Variants in HECTD4 observed in about 807,000 individuals in gnomAD.
HECTD4 encodes the protein HECT domain E3 ubiquitin protein ligase 4, also known as probable E3 ubiquitin-protein ligase HECTD4.
A neutral mutation model predicts 471.5 loss-of-function variants in HECTD4; 114 were observed. That is an observed-to-expected ratio of 0.24 (90% CI 0.21 to 0.28). The LOEUF is 0.28. HECTD4 is among the 10% of genes least tolerant of loss of function. The probability of loss-of-function intolerance (pLI) is 1.00; values close to 1 mark genes in which losing one functional copy is unlikely to be tolerated. For missense variants in HECTD4, 3,866 were observed against 5,651.5 expected, an observed-to-expected ratio of 0.68 and a Z score of 10.13; for synonymous variants, 2,012 against 2,256.0, an observed-to-expected ratio of 0.89 and a Z score of 3.07.
chr12:112,192,802 C>A, intron 58 of HECTD4, 37 bp from the exon 59 acceptor site: 1 of 1,506,024 alleles, frequency 6.6e-7, no homozygotes, highest in South Asian at 1.2e-5. Flanking sequence ...AATACAGGGT[C>A]TAGCCATGCA....
chr12:112,334,997 T>C (rs1718158713), intron 1 of HECTD4, among the ~76,000 whole-genome samples: 1 of 152,156 alleles, frequency 6.6e-6, no homozygotes, highest in South Asian at 2.1e-4. Context: ...CCAATCCCAC[T>C]ACTGCATATC....
At chr12:112,234,582 A>G (rs2033456714) in intron 37 of HECTD4, among the ~76,000 whole-genome samples, 1 of 152,316 alleles carries the variant, frequency 6.6e-6, no homozygotes, top group East Asian at 1.9e-4. Flanking sequence ...TTGGGCAATG[A>G]CTATATTTTT....
intron 1 of HECTD4, among the ~76,000 whole-genome samples, chr12:112,361,769 T>C (rs2036454233): frequency 6.6e-6 from 1 of 152,206 alleles, no homozygotes. Context: ...ACTGACTCCA[T>C]ATACCATCCT....
chr12:112,267,128 G>T (rs2034295423), intron 13 of HECTD4, 146 bp from the exon 14 acceptor site: 1 of 606,704 alleles, frequency 1.6e-6, no homozygotes, highest in African/African-American at 1.9e-5. Flanking sequence ...GATCGCTGGG[G>T]TTGATTCGGC....
chr12:112,301,108 G>A (rs185517564), intron 7 of HECTD4, among the ~76,000 whole-genome samples: 7 of 150,702 alleles, frequency 4.6e-5, no homozygotes, highest in Admixed American at 1.3e-4. Context: ...GGCTGGTCTC[G>A]AACTCCTGAC....
At chr12:112,212,724 G>A (rs1398555627) in intron 48 of HECTD4, 74 bp from the exon 49 acceptor site, 7 of 1,263,506 alleles carry the variant, frequency 5.5e-6, no homozygotes, top group African/African-American at 1.5e-5. Context: ...CAACCGGAGT[G>A]TCACCCTACA....
At chr12:112,303,476 A>G (rs1433163234) in intron 7 of HECTD4, among the ~76,000 whole-genome samples, 2 of 152,240 alleles carry the variant, frequency 1.3e-5, no homozygotes, top group African/African-American at 4.8e-5. Flanking sequence ...AAGAAGAAAT[A>G]AAGGTTTAAC....
chr12:112,296,279 T>C (rs778583821), intron 7 of HECTD4, among the ~76,000 whole-genome samples: 1 of 151,298 alleles, frequency 6.6e-6, no homozygotes, highest in African/African-American at 2.4e-5. Context: ...ACAGAGGGTG[T>C]AGGTGCAGTG....
At chr12:112,291,609 A>T in intron 7 of HECTD4, among the ~76,000 whole-genome samples, 1 of 152,076 alleles carries the variant, frequency 6.6e-6, no homozygotes, top group East Asian at 1.9e-4. Flanking sequence ...GCAGTGGCTC[A>T]CATTTGTAAT....
chr12:112,300,321 AAAG>A (rs1268643498), intron 7 of HECTD4, among the ~76,000 whole-genome samples: 1 of 151,796 alleles, frequency 6.6e-6, no homozygotes, highest in Non-Finnish European at 1.5e-5. Context: ...AAAAAAAAAA[AAAG>A]AAAGAAAGAA....
chr12:112,295,495 A>T (rs1257677023), intron 7 of HECTD4, among the ~76,000 whole-genome samples: 1 of 150,566 alleles, frequency 6.6e-6, no homozygotes, highest in East Asian at 1.9e-4. Flanking sequence ...CAACTGGCTA[A>T]TATTAATTTT....
chr12:112,206,598 G>A lies in HECTD4; in HGVS notation c.8131+1276C>T, dbSNP rs915760060. Reference sequence around the variant, plus strand: ...GTTGCCCAGGCTGGAGTGCAGTGGCGTGATCTCTGATCACTGCAAGCTCTG... The same window carrying A: ...GTTGCCCAGGCTGGAGTGCAGTGGCATGATCTCTGATCACTGCAAGCTCTG... On this transcript the variant is annotated intron_variant, in intron 52 of 75. Transcript: ENST00000682272. Among the ~76,000 whole-genome samples, 4 of 146,482 alleles carry A rather than the reference G, an allele frequency of 2.7e-5. No homozygotes were observed. In the East Asian group the frequency reaches 6.3e-4, roughly 23 times the overall value.
chr12:112,279,109 T>G (rs2034584690), intron 9 of HECTD4, 119 bp downstream of exon 9: 1 of 797,664 alleles, frequency 1.3e-6, no homozygotes, highest in Non-Finnish European at 1.9e-6. Context: ...TTTTTTGTTA[T>G]CAGAGAGCTA....
chr12:112,373,522 AAAAC>A (rs1161372746), intron 1 of HECTD4, among the ~76,000 whole-genome samples: 1 of 152,114 alleles, frequency 6.6e-6, no homozygotes, highest in Non-Finnish European at 1.5e-5. Flanking sequence ...ACTCCATTTC[AAAAC>A]AAACAAAACA....
Position 112,250,384 on chromosome 12 carries a change from A to C in HECTD4, c.3717-7T>G. The C allele has an allele frequency of 6.2e-7, 1 of 1,600,856 alleles. No homozygotes were observed. The highest frequency in any genetic ancestry group is 8.6e-7 in the Non-Finnish European group (1 of 1,168,216). Reference sequence around the variant, plus strand: ...CTCCACCTGCCACTGGCACCTGAGCAGACAGAAAAGAGGCTCTTCACTTCC... The same window carrying C: ...CTCCACCTGCCACTGGCACCTGAGCCGACAGAAAAGAGGCTCTTCACTTCC... On this transcript the variant is annotated splice_region_variant and splice_polypyrimidine_tract_variant and intron_variant, in intron 24 of 75. Coordinates refer to ENST00000682272, the MANE Select transcript of HECTD4 (RefSeq NM_001388303.1).
chr12:112,354,979 AT>A (rs912741416), intron 1 of HECTD4, among the ~76,000 whole-genome samples: 19 of 151,560 alleles, frequency 1.3e-4, no homozygotes, highest in African/African-American at 4.6e-4. Flanking sequence ...GCCAAATGGG[AT>A]TTTAATTTTT....
At chr12:112,263,043 T>C (rs1363099388) in intron 17 of HECTD4, among the ~76,000 whole-genome samples, 3 of 152,216 alleles carry the variant, frequency 2.0e-5, no homozygotes, top group South Asian at 4.1e-4. Flanking sequence ...CCATACCACA[T>C]GGCAGCAAAG....
chr12:112,299,397 A>C (rs2035116901), intron 7 of HECTD4, among the ~76,000 whole-genome samples: 1 of 152,090 alleles, frequency 6.6e-6, no homozygotes, highest in South Asian at 2.1e-4. Context: ...AGGAGGATCC[A>C]ATGAGCCCAG....
chr12:112,232,473 T>C (rs2033405752), intron 38 of HECTD4, among the ~76,000 whole-genome samples: 2 of 152,180 alleles, frequency 1.3e-5, no homozygotes, highest in Non-Finnish European at 1.5e-5. Context: ...GAACACCCTG[T>C]GTGTCTCTCC....
Sources: gnomAD v4.1 joint callset for allele counts (sites outside exome capture counted in the v4.1 genomes callset) on GRCh38, gnomAD v4.1.1 for gene constraint, MANE v1.5 for transcripts, NCBI Gene and HGNC (gene_info 2026-07-23, HGNC 2026-07-21) for gene names.